The following FNIP1 variants were observed in gnomAD, a reference collection of about 807,000 sequenced individuals.
FNIP1 encodes folliculin interacting protein 1, also known as folliculin-interacting protein 1.
FNIP1 carries 40 observed loss-of-function variants against 124.5 expected under a neutral mutation model. That is an observed-to-expected ratio of 0.32 (90% CI 0.25 to 0.42). The LOEUF is 0.42. Ranked by LOEUF, FNIP1 falls within the 10% of genes least tolerant of loss-of-function variation. FNIP1 has a pLI of 1.00. For missense variants in FNIP1, 1,176 were observed against 1,403.7 expected, an observed-to-expected ratio of 0.84 and a Z score of 2.59; for synonymous variants, 472 against 470.6, an observed-to-expected ratio of 1.00 and a Z score of -0.04.
intron 11 of FNIP1, among the ~76,000 whole-genome samples, chr5:131,693,295 TACATATATATATATATATATAC>T (rs1265996478): frequency 6.1e-5 from 2 of 32,950 alleles, no homozygotes; most frequent in African/African-American, 3.0e-4. Context: ...GCTAAATATA[TACATATATATATATATATATAC>T]ACATATATAT....
chr5:131,795,187 T>C (rs1467755598), intron 1 of FNIP1, among the ~76,000 whole-genome samples: 4 of 152,204 alleles, frequency 2.6e-5, no homozygotes, highest in Non-Finnish European at 5.9e-5. Flanking sequence ...ACTGCAGTTA[T>C]TGGGCTTACA....
At chr5:131,760,811 T>C (rs1430367076) in intron 1 of FNIP1, among the ~76,000 whole-genome samples, 2 of 147,674 alleles carry the variant, frequency 1.4e-5, no homozygotes, top group Non-Finnish European at 3.0e-5. Context: ...AATTAGGGAT[T>C]CACCACCACC....
intron 1 of FNIP1, among the ~76,000 whole-genome samples, chr5:131,756,503 G>A (rs1254324274): frequency 6.6e-6 from 1 of 152,106 alleles, no homozygotes; most frequent in African/African-American, 2.4e-5. Flanking sequence ...TCCAAGTTGA[G>A]GGGAAGGAAT....
Position 131,672,684 on chromosome 5 carries a change from G to T in FNIP1, c.1760C>A (p.Thr587Lys), listed in dbSNP as rs1388382532. Reference protein sequence around the residue: ...EIEESEYVLVTMHRNKSSLLF... With the variant: ...EIEESEYVLVKMHRNKSSLLF... ...CAAACTGCTTTTGTTTCTATGCATT[G>T]TGACAAGGACATACTCTGATTCTTC... The change falls in exon 14 of 18, where the codon ACA (threonine) becomes AAA (lysine). Residue 587 changes from threonine to lysine, a missense_variant. This residue lies in a region of FNIP1 where 1,109 missense variants were observed against 1,288.5 expected (regional missense o/e 0.86). Coordinates refer to ENST00000510461, the MANE Select transcript of FNIP1 (RefSeq NM_133372.3). The T allele has an allele frequency of 6.2e-7, 1 of 1,614,102 alleles. No individual in the cohort carries two copies. Among genetic ancestry groups the T allele is most frequent in the Non-Finnish European group, 8.5e-7 (1 of 1,180,014 alleles).
At chr5:131,785,942 T>C (rs1363035987) in intron 1 of FNIP1, among the ~76,000 whole-genome samples, 1 of 152,178 alleles carries the variant, frequency 6.6e-6, no homozygotes, top group Non-Finnish European at 1.5e-5. Flanking sequence ...TAGAAATTAA[T>C]CAAAATACAT....
intron 3 of FNIP1, among the ~76,000 whole-genome samples, chr5:131,726,549 T>C (rs1292340089): frequency 6.6e-6 from 1 of 152,210 alleles, no homozygotes; most frequent in Non-Finnish European, 1.5e-5. Flanking sequence ...TATTTGATTC[T>C]TTTCTCTTTT....
chr5:131,757,145 C>T (rs185468442), intron 1 of FNIP1, among the ~76,000 whole-genome samples: 4 of 152,032 alleles, frequency 2.6e-5, no homozygotes, highest in Non-Finnish European at 5.9e-5. Flanking sequence ...GTGGTCTCAA[C>T]GAAGTTAAAG....
chr5:131,726,081 C>A (rs1435698365), intron 3 of FNIP1, among the ~76,000 whole-genome samples: 1 of 152,126 alleles, frequency 6.6e-6, no homozygotes, highest in African/African-American at 2.4e-5. Flanking sequence ...TGGTGTGCTG[C>A]TGGATTCAGT....
At chr5:131,737,691 T>C (rs1052587827) in intron 2 of FNIP1, among the ~76,000 whole-genome samples, 2 of 152,224 alleles carry the variant, frequency 1.3e-5, no homozygotes, top group East Asian at 1.9e-4. Flanking sequence ...ACTCTTTACA[T>C]GTAAAGATAG....
At chr5:131,705,196 T>C (rs187355175) in intron 9 of FNIP1, among the ~76,000 whole-genome samples, 231 of 152,060 alleles carry the variant, frequency 1.5e-3, no homozygotes, top group Admixed American at 4.3e-3. Flanking sequence ...TCAAGTCAGA[T>C]GTGGTGCCTC....
rs1412562431 is a variant in FNIP1, at chr5:131,647,106, G to C, written c.3406C>G (p.Leu1136Val). 1 of 1,613,918 alleles carries C rather than the reference G, an allele frequency of 6.2e-7. No individual in the cohort carries two copies. Among genetic ancestry groups the C allele is most frequent in the African/African-American group, 1.3e-5 (1 of 74,890 alleles). Residue 1136 changes from leucine (L) to valine (V), a missense_variant, in exon 17 of 18, where the codon CTG becomes GTG. Physicochemically the swap from Leu to Val is conservative, Grantham distance 32. Transcript: ENST00000510461. ...TTAACATACCCCAGAACCACTCCCA[G>C]CTCCTTGACATGAACACGCATCTGC... Reference protein sequence around the residue: ...RGQMRVHVKELGVVLGIESSD... With the variant: ...RGQMRVHVKEVGVVLGIESSD...
intron 3 of FNIP1, among the ~76,000 whole-genome samples, chr5:131,720,252 G>A (rs774524629): frequency 6.6e-6 from 1 of 152,192 alleles, no homozygotes; most frequent in Non-Finnish European, 1.5e-5. Flanking sequence ...AATGGGGACA[G>A]GATAGTCTCC....
At chr5:131,781,297 G>A (rs1771988980) in intron 1 of FNIP1, among the ~76,000 whole-genome samples, 3 of 152,302 alleles carry the variant, frequency 2.0e-5, no homozygotes, top group South Asian at 2.1e-4. Context: ...AAGATCTAGC[G>A]AAGATAACTG....
At chr5:131,715,204 G>A (rs891428494) in intron 6 of FNIP1, among the ~76,000 whole-genome samples, 6 of 152,006 alleles carry the variant, frequency 3.9e-5, no homozygotes, top group African/African-American at 1.2e-4. Flanking sequence ...ATTCCTTTTG[G>A]CTGGGGCACG....
At chr5:131,726,176 T>C (rs1205205890) in intron 3 of FNIP1, among the ~76,000 whole-genome samples, 3 of 152,106 alleles carry the variant, frequency 2.0e-5, no homozygotes, top group African/African-American at 7.2e-5. Flanking sequence ...GTGTCTCTGC[T>C]AGGTTTTGGT....
chr5:131,697,495 T>A (rs1237991603), intron 11 of FNIP1, among the ~76,000 whole-genome samples: 2 of 152,166 alleles, frequency 1.3e-5, no homozygotes, highest in South Asian at 4.1e-4. Context: ...GTAAAGCATA[T>A]TGTTTCCCTA....
chr5:131,670,675 T>G, intron 14 of FNIP1, 44 bp from the exon 15 acceptor site: 1 of 1,418,188 alleles, frequency 7.1e-7, no homozygotes, highest in Non-Finnish European at 9.5e-7. Flanking sequence ...TAGTAATAAA[T>G]ATATTTAACC....
chr5:131,716,500 C>T lies in FNIP1; in HGVS notation c.622+65G>A, dbSNP rs113346051. On this transcript the variant is annotated intron_variant, in intron 6 of 17. Transcript: ENST00000510461. ...ACAGATCTGCATTATTAAGGAATAACTTCAAAAAACACTTGTTACCCTGCT... is the reference window on the plus strand; with the variant it reads ...ACAGATCTGCATTATTAAGGAATAATTTCAAAAAACACTTGTTACCCTGCT... The T allele has an allele frequency of 3.4e-5, 37 of 1,096,400 alleles. No individual in the cohort carries two copies. The African/African-American group carries it at 3.8e-4, about 11-fold the overall frequency. 67.9% of individuals were successfully genotyped at this position (1,096,400 alleles called of 1,614,324 possible). A position where few individuals can be genotyped will look rare whatever the true frequency, so the allele number is the denominator to read the frequency against.
intron 1 of FNIP1, among the ~76,000 whole-genome samples, chr5:131,766,282 T>G (rs1167527069): frequency 6.6e-6 from 1 of 152,020 alleles, no homozygotes; most frequent in Non-Finnish European, 1.5e-5. Context: ...TCTCAATCAA[T>G]CCTCCTGCCT....
Sources: allele counts gnomAD v4.1 joint callset (sites outside exome capture counted in the v4.1 genomes callset), GRCh38; gene constraint gnomAD v4.1.1; regional missense constraint gnomAD v4.1.1; transcripts MANE v1.5; gene names NCBI Gene and HGNC (gene_info 2026-07-23, HGNC 2026-07-21).